Variants in KIF18A observed in about 807,000 individuals in gnomAD.
KIF18A encodes the protein kinesin-like protein KIF18A.
KIF18A carries 67 observed loss-of-function variants against 103.3 expected under a neutral mutation model. That is an observed-to-expected ratio of 0.65 (90% CI 0.53 to 0.79). The LOEUF is 0.79. KIF18A is among the 30% of genes least tolerant of loss of function. KIF18A has a pLI of 0.00. For synonymous variants in KIF18A, 367 were observed against 355.5 expected, an observed-to-expected ratio of 1.03 and a Z score of -0.36; for missense variants, 1,032 against 1,062.5, an observed-to-expected ratio of 0.97 and a Z score of 0.40.
At chr11:28,041,742 G>C (rs1038979740) in intron 13 of KIF18A, among the ~76,000 whole-genome samples, 5 of 151,796 alleles carry the variant, frequency 3.3e-5, no homozygotes, top group African/African-American at 1.2e-4. Flanking sequence ...GACAGCTTGG[G>C]TAAGAGTGGT....
intron 13 of KIF18A, among the ~76,000 whole-genome samples, chr11:28,051,405 A>C (rs1220077756): frequency 6.6e-6 from 1 of 151,960 alleles, no homozygotes; most frequent in Non-Finnish European, 1.5e-5. Flanking sequence ...TGTACAAAAA[A>C]CACAGTGGCT....
At chr11:28,063,807 C>T (rs552436153) in intron 11 of KIF18A, among the ~76,000 whole-genome samples, 44 of 152,010 alleles carry the variant, frequency 2.9e-4, no homozygotes, top group African/African-American at 1.0e-3. Context: ...CATAATCCAT[C>T]TTAGCTTTAG....
At chr11:28,047,351 A>G (rs1006711163) in intron 13 of KIF18A, among the ~76,000 whole-genome samples, 4 of 152,084 alleles carry the variant, frequency 2.6e-5, no homozygotes, top group Non-Finnish European at 4.4e-5. Flanking sequence ...CTCAAGCAAG[A>G]TAAGGCCTTA....
In KIF18A at chr11:28,091,441, C is replaced by T. The variant is rs1262269039; in HGVS notation, c.556G>A (p.Gly186Arg). ...PLAVREDTQK[G>R]VVVHGLTLHQ... is the part of the protein sequence containing the mutation. ...AAAGTAAGTCCATGAACGACCACCC[C>T]TTTTTGGGTATCTTCCCGGACAGCA... is the stretch of plus-strand genomic sequence containing the variant. Residue 186 changes from glycine to arginine, a missense_variant, in exon 4 of 17, where the codon GGG (glycine) becomes AGG (arginine). Gly to Arg is a moderately radical substitution (Grantham distance 125). Transcript: ENST00000263181. 1.2e-6 allele frequency: 2 copies of T among 1,610,210 alleles called. No homozygotes were observed.
intron 7 of KIF18A, 44 bp downstream of exon 7, chr11:28,084,588 T>C (rs1851203367): frequency 7.1e-7 from 1 of 1,410,740 alleles, no homozygotes; most frequent in East Asian, 2.3e-5. Context: ...AAAAATCATA[T>C]GCAGACAATA....
At chr11:28,048,345 T>C (rs1850666367) in intron 13 of KIF18A, among the ~76,000 whole-genome samples, 1 of 152,082 alleles carries the variant, frequency 6.6e-6, no homozygotes, top group African/African-American at 2.4e-5. Flanking sequence ...TCGCTTGTAA[T>C]AATAAAGTGA....
chr11:28,025,330 CA>C (rs1444843654), intron 15 of KIF18A, among the ~76,000 whole-genome samples: 1 of 152,006 alleles, frequency 6.6e-6, no homozygotes, highest in Non-Finnish European at 1.5e-5. Flanking sequence ...TTGTATATAT[CA>C]GCTGTCCAAG....
rs1248038026 is a variant in KIF18A, at chr11:28,059,178, A to C, written c.1713-17T>G. 2.6e-6 allele frequency: 4 copies of C among 1,513,538 alleles called. No homozygotes were observed. The highest frequency in any genetic ancestry group is 3.7e-6 in the Non-Finnish European group (4 of 1,093,126). 93.8% of individuals were successfully genotyped at this position (1,513,538 alleles called of 1,614,324 possible). On this transcript the variant is annotated splice_polypyrimidine_tract_variant and intron_variant, in intron 12 of 16. Transcript: ENST00000263181. Reference sequence around the variant, plus strand: ...TTCAATACTCTATATACAGAAGATGAGAAGAAAGGAGAGATAAATATGACA... The same window carrying C: ...TTCAATACTCTATATACAGAAGATGCGAAGAAAGGAGAGATAAATATGACA...
At chr11:28,083,440 T>C (rs1001772127) in intron 7 of KIF18A, among the ~76,000 whole-genome samples, 197 bp from the exon 8 acceptor site, 2 of 152,096 alleles carry the variant, frequency 1.3e-5, no homozygotes, top group African/African-American at 4.8e-5. Context: ...AAGAAATTAC[T>C]TTATTGAGAA....
intron 2 of KIF18A, among the ~76,000 whole-genome samples, chr11:28,096,181 AAAAAAAAAAAAAAAAGACAAAGAG>A (rs987832874): frequency 6.7e-6 from 1 of 148,982 alleles, no homozygotes; most frequent in African/African-American, 2.5e-5. Flanking sequence ...ATCAAAAAAA[AAAAAAAAAAAAAAAAGACAAAGAG>A]AAAGAAAAAA....
chr11:28,030,844 A>C (rs1473387904), intron 15 of KIF18A, among the ~76,000 whole-genome samples: 93 of 150,522 alleles, frequency 6.2e-4, no homozygotes, highest in African/African-American at 2.2e-3. Flanking sequence ...AGAAAAAAAC[A>C]AACAACCCCA....
chr11:28,055,720 TTC>T (rs1438199235), intron 13 of KIF18A, among the ~76,000 whole-genome samples: 2 of 152,278 alleles, frequency 1.3e-5, no homozygotes, highest in South Asian at 2.1e-4. Context: ...ACTGTAAATA[TTC>T]TCTGAGATAT....
chr11:28,041,622 T>C (rs1181936532), intron 13 of KIF18A, among the ~76,000 whole-genome samples: 1 of 151,762 alleles, frequency 6.6e-6, no homozygotes, highest in Non-Finnish European at 1.5e-5. Flanking sequence ...TATAATGTGA[T>C]CTGATTGATG....
At chr11:28,078,461 T>TTTTA (rs1851123104) in intron 9 of KIF18A, among the ~76,000 whole-genome samples, 1 of 152,162 alleles carries the variant, frequency 6.6e-6, no homozygotes, top group African/African-American at 2.4e-5. Flanking sequence ...TCTAGACTTA[T>TTTTA]TTTAGGTGGT....
At chr11:28,090,520 A>G in intron 5 of KIF18A, 97 bp downstream of exon 5, 1 of 728,536 alleles carries the variant, frequency 1.4e-6, no homozygotes, top group Non-Finnish European at 2.4e-6. Context: ...AAGTCTACAG[A>G]CAGATTTTTT....
chr11:28,091,312 T>A, intron 4 of KIF18A, 97 bp downstream of exon 4: 1 of 625,924 alleles, frequency 1.6e-6, no homozygotes. Context: ...TTAGTTTTTT[T>A]TCTCAAACAG....
At chr11:28,095,630 A>G (rs1851357988) in intron 2 of KIF18A, among the ~76,000 whole-genome samples, 1 of 152,132 alleles carries the variant, frequency 6.6e-6, no homozygotes, top group African/African-American at 2.4e-5. Flanking sequence ...ATTCCTTTTT[A>G]AGTTTTTGTT....
At chr11:28,105,976 A>C (rs1851499111) in intron 1 of KIF18A, among the ~76,000 whole-genome samples, 1 of 152,238 alleles carries the variant, frequency 6.6e-6, no homozygotes, top group East Asian at 1.9e-4. Flanking sequence ...AGGATAAGTA[A>C]CTTTTCCAAG....
At chr11:28,054,322 C>T (rs1453007282) in intron 13 of KIF18A, among the ~76,000 whole-genome samples, 1 of 151,896 alleles carries the variant, frequency 6.6e-6, no homozygotes, top group African/African-American at 2.4e-5. Context: ...GTGTTCCTCC[C>T]AGTTCAGCCT....
Sources: gnomAD v4.1 joint callset for allele counts (sites outside exome capture counted in the v4.1 genomes callset) on GRCh38, gnomAD v4.1.1 for gene constraint, MANE v1.5 for transcripts, NCBI Gene and HGNC (gene_info 2026-07-23, HGNC 2026-07-21) for gene names.